Variants in ERP44 observed in about 807,000 individuals in gnomAD.
ERP44 encodes the protein endoplasmic reticulum protein 44.
Under a neutral mutation model 53.4 loss-of-function variants are expected in ERP44, and 25 were observed. The observed-to-expected ratio is 0.47, with a 90% CI of 0.34 to 0.65. The LOEUF (loss-of-function observed/expected upper bound fraction) is 0.65. Ranked by LOEUF, ERP44 falls within the 30% of genes least tolerant of loss-of-function variation. The probability of loss-of-function intolerance (pLI) is 0.01; values close to 1 mark genes in which losing one functional copy is unlikely to be tolerated. For synonymous variants in ERP44, 145 were observed against 161.2 expected, an observed-to-expected ratio of 0.90 and a Z score of 0.76; for missense variants, 338 against 493.2, an observed-to-expected ratio of 0.69 and a Z score of 2.98.
At position 99,981,591 on chromosome 9, in the gene ERP44, G is replaced by C. The variant is rs1830149409; in HGVS notation, c.*1021C>G. 2.0e-5 allele frequency: 3 copies of C among 152,622 alleles called. No individual in the cohort carries two copies. The highest frequency in any genetic ancestry group is 4.4e-5 in the Non-Finnish European group (3 of 68,052). The allele number at this position is 152,622 out of a possible 1,614,324, so 9.5% of individuals were successfully genotyped here. On this transcript the variant is annotated 3_prime_UTR_variant, in exon 12 of 12. Transcript: ENST00000262455. The stretch of plus-strand genomic sequence containing the variant: ...TGGTTTTATTCCCTGGCAGTATTGA[G>C]GCCTGGCACAGGGACCCATCTTACT...
chr9:100,021,455 TA>T (rs1392637636), intron 5 of ERP44, among the ~76,000 whole-genome samples: 7 of 152,230 alleles, frequency 4.6e-5, no homozygotes, highest in African/African-American at 1.7e-4. Context: ...TTGTGTCTTC[TA>T]AAAGAATCCA....
intron 5 of ERP44, among the ~76,000 whole-genome samples, chr9:100,021,057 A>G (rs1830583637): frequency 6.6e-6 from 1 of 152,182 alleles, no homozygotes; most frequent in Non-Finnish European, 1.5e-5. Flanking sequence ...CAATGTATCA[A>G]TCATAACTTG....
chr9:100,067,594 G>A (rs891947086), intron 1 of ERP44, among the ~76,000 whole-genome samples: 117 of 152,332 alleles, frequency 7.7e-4, no homozygotes, highest in African/African-American at 2.5e-3. Flanking sequence ...TGAGATTGCA[G>A]CCTCTGCCCG....
At position 100,050,362 on chromosome 9, in the gene ERP44, T is replaced by C. The variant is rs138250062; in HGVS notation, c.286+2055A>G. On this transcript the variant is annotated intron_variant, in intron 4 of 11. Transcript: ENST00000262455. ...ATCTCTTTTAAAAACTGCTTTAGGA[T>C]TGAACAATCTATTTTTCAAAGCACT... is the stretch of plus-strand genomic sequence containing the variant. Among the ~76,000 whole-genome samples, 800 of 152,300 alleles carry C rather than the reference T, an allele frequency of 5.3e-3. 8 individuals carry two copies. The highest frequency in any genetic ancestry group is 0.018 in the African/African-American group (729 of 41,576).
intron 1 of ERP44, among the ~76,000 whole-genome samples, chr9:100,076,799 T>C (rs1826362131): frequency 6.6e-6 from 1 of 152,244 alleles, no homozygotes; most frequent in Non-Finnish European, 1.5e-5. Context: ...AGGATTTTAA[T>C]AACCAAGTGG....
intron 1 of ERP44, among the ~76,000 whole-genome samples, chr9:100,061,598 A>ACG (rs1826150815): frequency 6.8e-6 from 1 of 147,040 alleles, no homozygotes; most frequent in African/African-American, 2.5e-5. Flanking sequence ...ATTTATAGAA[A>ACG]TATATATATT....
intron 1 of ERP44, among the ~76,000 whole-genome samples, chr9:100,088,286 T>C (rs1826509143): frequency 6.6e-6 from 1 of 152,284 alleles, no homozygotes; most frequent in African/African-American, 2.4e-5. Context: ...CATCTTCTAA[T>C]ATGCTGTATC....
chr9:100,056,444 G>A (rs1298922063), intron 3 of ERP44, among the ~76,000 whole-genome samples: 1 of 152,096 alleles, frequency 6.6e-6, no homozygotes, highest in Non-Finnish European at 1.5e-5. Flanking sequence ...AAAGTGCTTG[G>A]GGATTAAAGT....
chr9:100,044,622 C>A (rs1402266592), intron 4 of ERP44, among the ~76,000 whole-genome samples: 1 of 152,122 alleles, frequency 6.6e-6, no homozygotes, highest in Non-Finnish European at 1.5e-5. Flanking sequence ...TGTTGAAGGT[C>A]ATTTATTACA....
intron 8 of ERP44, among the ~76,000 whole-genome samples, chr9:100,012,296 C>T (rs1450160503): frequency 6.6e-6 from 1 of 151,884 alleles, no homozygotes; most frequent in Non-Finnish European, 1.5e-5. Flanking sequence ...TGCAATAGAG[C>T]CTGATAAGTT....
chr9:100,014,967 T>C (rs1456320705), intron 8 of ERP44, among the ~76,000 whole-genome samples: 1 of 152,252 alleles, frequency 6.6e-6, no homozygotes, highest in Non-Finnish European at 1.5e-5. Context: ...AGCTGTCTTC[T>C]AGGCTGCAGA....
chr9:100,035,902 G>A (rs1342290265), intron 4 of ERP44, among the ~76,000 whole-genome samples: 1 of 152,112 alleles, frequency 6.6e-6, no homozygotes, highest in African/African-American at 2.4e-5. Context: ...AAGAACAGAT[G>A]ATGGCAAGGC....
At chr9:99,983,068 C>T (rs533714833) in intron 11 of ERP44, among the ~76,000 whole-genome samples, 1 of 152,218 alleles carries the variant, frequency 6.6e-6, no homozygotes, top group African/African-American at 2.4e-5. Flanking sequence ...CCCTTCTGCA[C>T]GTGACTGCTA....
intron 1 of ERP44, among the ~76,000 whole-genome samples, chr9:100,083,685 C>T (rs1487204505): frequency 1.3e-5 from 2 of 152,160 alleles, no homozygotes; most frequent in Non-Finnish European, 2.9e-5. Flanking sequence ...ATTTGGAAAT[C>T]GTGTTTGACT....
At chr9:99,989,061 G>A (rs1830226167) in intron 10 of ERP44, among the ~76,000 whole-genome samples, 1 of 152,232 alleles carries the variant, frequency 6.6e-6, no homozygotes, top group African/African-American at 2.4e-5. Flanking sequence ...GCCCACCGCA[G>A]CTCAACAAGG....
chr9:100,036,534 C>G (rs528292061), intron 4 of ERP44, among the ~76,000 whole-genome samples: 10 of 152,222 alleles, frequency 6.6e-5, no homozygotes, highest in Admixed American at 5.2e-4. Flanking sequence ...AAAAAGCTAC[C>G]TATTGGGTAC....
Position 100,043,802 on chromosome 9 carries a change from A to C in ERP44, c.286+8615T>G, listed in dbSNP as rs114336517. Among the ~76,000 whole-genome samples, 501 of 152,232 alleles carry C rather than the reference A, an allele frequency of 3.3e-3. 2 individuals carry two copies. Among genetic ancestry groups the C allele is most frequent in the African/African-American group, 0.011 (469 of 41,530 alleles). ...TGTAATCCATAAAAATATACACCCT[A>C]CTATGTATCTACAAAAGTTAGATAA... On this transcript the variant is annotated intron_variant, in intron 4 of 11. Coordinates refer to ENST00000262455, the MANE Select transcript of ERP44 (RefSeq NM_015051.3).
At chr9:99,988,977 T>C (rs1010811651) in intron 10 of ERP44, among the ~76,000 whole-genome samples, 3 of 152,214 alleles carry the variant, frequency 2.0e-5, no homozygotes, top group African/African-American at 7.2e-5. Context: ...GCAGCCTGGC[T>C]GGAGGAGGGG....
intron 1 of ERP44, among the ~76,000 whole-genome samples, chr9:100,093,646 G>C (rs912497108): frequency 1.7e-4 from 26 of 151,694 alleles, no homozygotes; most frequent in Admixed American, 3.3e-4. Context: ...CTGTCTGTGG[G>C]GGGGGAAAAA....
Sources: allele counts gnomAD v4.1 joint callset (sites outside exome capture counted in the v4.1 genomes callset), GRCh38; gene constraint gnomAD v4.1.1; transcripts MANE v1.5; gene names NCBI Gene and HGNC (gene_info 2026-07-23, HGNC 2026-07-21).